SEMA6A: variants seen among roughly 807,000 people sequenced by gnomAD.
SEMA6A encodes the protein semaphorin 6A.
In SEMA6A, 25 loss-of-function variants were observed where a neutral mutation model predicts 96.8. The ratio of observed to expected loss-of-function variants is 0.26; its 90% CI spans 0.19 to 0.36. The LOEUF is 0.36. Among genes scored for constraint, SEMA6A ranks in the 10% least tolerant of loss-of-function variants. SEMA6A has a pLI of 1.00. For missense variants in SEMA6A, 1,363 were observed against 1,323.1 expected (o/e 1.03, Z -0.47); for synonymous variants, 612 against 518.0 (o/e 1.18, Z -2.46).
rs550812215 is a variant in SEMA6A at position 116,511,117 on chromosome 5, T to G, written c.-38-6135A>C. 4.4e-4 allele frequency among the ~76,000 whole-genome samples: 67 copies of G among 152,294 alleles called. No homozygotes were observed. The South Asian group carries it at 0.014, about 32-fold the overall frequency. On this transcript the variant is annotated intron_variant, in intron 1 of 18. Coordinates refer to ENST00000343348, the MANE Select transcript of SEMA6A (RefSeq NM_020796.5). The stretch of plus-strand genomic sequence containing the variant: ...GATTGGTCCCAGGACCTCCCAAAGA[T>G]TCCAAAATCTGGGGATGCTCAAGTC...
chr5:116,569,210 A>T (rs1302268514), intron 1 of SEMA6A, among the ~76,000 whole-genome samples: 1 of 152,152 alleles, frequency 6.6e-6, no homozygotes, highest in African/African-American at 2.4e-5. Context: ...AAAGTAAATA[A>T]GGGGATCAAA....
At chr5:116,475,669 T>G (rs1756409830) in intron 15 of SEMA6A, 66 bp from the exon 16 acceptor site, 8 of 1,212,922 alleles carry the variant, frequency 6.6e-6, no homozygotes, top group Admixed American at 4.1e-5. Context: ...CAGAAATGAG[T>G]CAAGCTTCAC....
intron 1 of SEMA6A, among the ~76,000 whole-genome samples, chr5:116,530,447 G>A (rs1211994310): frequency 6.6e-6 from 1 of 152,064 alleles, no homozygotes; most frequent in African/African-American, 2.4e-5. Flanking sequence ...TCCCATCAGA[G>A]GTCTGTGTGT....
Position 116,447,360 on chromosome 5 carries a change from G to T in SEMA6A, c.2346C>A (p.Asn782Lys), listed in dbSNP as rs773082091. ...RGSREWERNQ[N>K]LINACTKDMP... is the part of the protein sequence containing the mutation. ...TGTCCTTTGTGCAGGCATTGATGAG[G>T]TTCTGGTTCCTCTCCCACTCGCGGC... Residue 782 changes from asparagine (N) to lysine (K), a missense_variant, in exon 19 of 19, where the codon AAC becomes AAA. Asn to Lys is a moderately conservative substitution (Grantham distance 94, BLOSUM62 0). Coordinates refer to ENST00000343348, the MANE Select transcript of SEMA6A (RefSeq NM_020796.5). The T allele has an allele frequency of 4.3e-6, 7 of 1,613,992 alleles. No individual in the cohort carries two copies. In the South Asian group the frequency reaches 6.6e-5, roughly 15 times the overall value.
intron 10 of SEMA6A, among the ~76,000 whole-genome samples, chr5:116,484,327 T>TC (rs2112708468): frequency 6.6e-6 from 1 of 152,316 alleles, no homozygotes; most frequent in Admixed American, 6.5e-5. Context: ...TGAAATCCTT[T>TC]CTTCCTCCTT....
At chr5:116,489,068 A>G (rs978441166) in intron 7 of SEMA6A, 61 bp from the exon 8 acceptor site, 1 of 1,486,144 alleles carries the variant, frequency 6.7e-7, no homozygotes, top group Non-Finnish European at 9.0e-7. Context: ...GTGGAGGAAT[A>G]ATAAAGACAT....
At chr5:116,504,154 G>GA (rs1030146305) in intron 2 of SEMA6A, among the ~76,000 whole-genome samples, 12 of 151,698 alleles carry the variant, frequency 7.9e-5, no homozygotes, top group Admixed American at 5.2e-4. Context: ...AGATATTTAG[G>GA]AAAAAAATGC....
intron 18 of SEMA6A, among the ~76,000 whole-genome samples, chr5:116,463,663 T>C (rs1755552869): frequency 6.6e-6 from 1 of 152,218 alleles, no homozygotes; most frequent in South Asian, 2.1e-4. Context: ...GGACTAAATG[T>C]AATAATGTGA....
intron 1 of SEMA6A, among the ~76,000 whole-genome samples, chr5:116,558,013 T>A (rs1760675449): frequency 6.6e-6 from 1 of 152,196 alleles, no homozygotes; most frequent in South Asian, 2.1e-4. Flanking sequence ...TTTTTAAAAA[T>A]CAAATCGTTC....
chr5:116,509,625 C>A (rs369036586), intron 1 of SEMA6A, among the ~76,000 whole-genome samples: 2 of 108,406 alleles, frequency 1.8e-5, no homozygotes, highest in African/African-American at 8.5e-5. Context: ...AGAGAGAGAG[C>A]ATGCGATTAG....
chr5:116,448,163 T>A (rs1754374520), intron 18 of SEMA6A, among the ~76,000 whole-genome samples: 1 of 81,896 alleles, frequency 1.2e-5, no homozygotes, highest in Non-Finnish European at 2.3e-5. Flanking sequence ...GAAACCCCCG[T>A]CTCTACTAAA....
intron 10 of SEMA6A, among the ~76,000 whole-genome samples, chr5:116,486,284 G>A (rs746545438): frequency 2.0e-5 from 3 of 152,204 alleles, no homozygotes; most frequent in African/African-American, 4.8e-5. Flanking sequence ...ATCCCGTCAT[G>A]AGAATATTAA....
At chr5:116,528,062 T>C (rs1759306553) in intron 1 of SEMA6A, among the ~76,000 whole-genome samples, 1 of 152,208 alleles carries the variant, frequency 6.6e-6, no homozygotes, top group Non-Finnish European at 1.5e-5. Flanking sequence ...GTGAATCTAG[T>C]TGTAAAGCAA....
intron 1 of SEMA6A, among the ~76,000 whole-genome samples, chr5:116,524,979 C>G (rs1759155369): frequency 6.6e-6 from 1 of 152,070 alleles, no homozygotes; most frequent in Admixed American, 6.6e-5. Flanking sequence ...CTTGTTTTTG[C>G]CATTAGTTTG....
At position 116,503,569 on chromosome 5, in the gene SEMA6A, T is replaced by G. The variant is rs921381484; in HGVS notation, c.101-1242A>C. Among the ~76,000 whole-genome samples, 6 of 150,110 alleles carry G rather than the reference T, an allele frequency of 4.0e-5. No individual in the cohort carries two copies. The East Asian group carries it at 1.2e-3, about 31-fold the overall frequency. Reference sequence around the variant, plus strand: ...GCTCTGTCATAAGGCTGGAGTGCAGTGGTGTGATCTCGGCTTACTACACTC... The same window carrying G: ...GCTCTGTCATAAGGCTGGAGTGCAGGGGTGTGATCTCGGCTTACTACACTC... On this transcript the variant is annotated intron_variant, in intron 2 of 18. Coordinates refer to ENST00000343348, the MANE Select transcript of SEMA6A (RefSeq NM_020796.5).
intron 1 of SEMA6A, among the ~76,000 whole-genome samples, chr5:116,573,295 C>G (rs144294181): frequency 6.6e-6 from 1 of 152,140 alleles, no homozygotes; most frequent in Non-Finnish European, 1.5e-5. Context: ...GTCTCTCACC[C>G]TTCCCCCTCC....
At chr5:116,448,055 C>G (rs1301276900) in intron 18 of SEMA6A, among the ~76,000 whole-genome samples, 1 of 151,556 alleles carries the variant, frequency 6.6e-6, no homozygotes, top group African/African-American at 2.4e-5. Flanking sequence ...CTGTTCAGGC[C>G]GGGCACGGTG....
rs781482755 is a variant in SEMA6A at position 116,472,803 on chromosome 5, T to C, written c.1729+270A>G. ...AAGTAACAAAGAATCTGGTCCATGATGTTTAGGAATGAAAACTATAAACTA... is the reference window on the plus strand; with the variant it reads ...AAGTAACAAAGAATCTGGTCCATGACGTTTAGGAATGAAAACTATAAACTA... On this transcript the variant is annotated intron_variant, in intron 17 of 18. Transcript: ENST00000343348. 20 of 1,032,486 alleles carry C rather than the reference T, an allele frequency of 1.9e-5. 1 individual carries two copies. In the South Asian group the frequency reaches 2.4e-4, roughly 13 times the overall value. 64.0% of individuals were successfully genotyped at this position (1,032,486 alleles called of 1,614,324 possible). A position where few individuals can be genotyped will look rare whatever the true frequency, so the allele number is the denominator to read the frequency against.
At chr5:116,559,671 A>C (rs1404283615) in intron 1 of SEMA6A, among the ~76,000 whole-genome samples, 3 of 152,148 alleles carry the variant, frequency 2.0e-5, no homozygotes, top group Admixed American at 2.0e-4. Flanking sequence ...TTATGACAGC[A>C]GTTAATTAAA....
Sources: gnomAD v4.1 joint callset for allele counts (sites outside exome capture counted in the v4.1 genomes callset) on GRCh38, gnomAD v4.1.1 for gene constraint, MANE v1.5 for transcripts, NCBI Gene and HGNC (gene_info 2026-07-23, HGNC 2026-07-21) for gene names.